The following SH3RF2 variants were observed in gnomAD, a reference collection of about 807,000 sequenced individuals.
SH3RF2 encodes E3 ubiquitin-protein ligase SH3RF2.
Under a neutral mutation model 59.0 loss-of-function variants are expected in SH3RF2, and 43 were observed. That is an observed-to-expected ratio of 0.73 (90% CI 0.57 to 0.94). The LOEUF is 0.94. Ranked by LOEUF, SH3RF2 falls within the 40% of genes least tolerant of loss-of-function variation. The pLI is 0.00. For missense variants in SH3RF2, 930 were observed against 940.1 expected, an observed-to-expected ratio of 0.99 and a Z score of 0.14; for synonymous variants, 391 against 391.5, an observed-to-expected ratio of 1.00 and a Z score of 0.01.
intron 9 of SH3RF2, 64 bp from the exon 10 acceptor site, chr5:146,062,362 C>G (rs1762928043): frequency 3.8e-6 from 6 of 1,560,656 alleles, no homozygotes; most frequent in Non-Finnish European, 5.2e-6. Flanking sequence ...CAAGTGGGGA[C>G]AAGCATGGGG....
intron 5 of SH3RF2, among the ~76,000 whole-genome samples, chr5:146,025,759 G>A (rs566972305): frequency 6.6e-6 from 1 of 152,302 alleles, no homozygotes; most frequent in East Asian, 1.9e-4. Context: ...TTCTACAGAG[G>A]AAGGTAGCTT....
chr5:145,948,371 G>A (rs1046053547), intron 2 of SH3RF2, among the ~76,000 whole-genome samples: 8 of 152,168 alleles, frequency 5.3e-5, no homozygotes, highest in Admixed American at 2.0e-4. Context: ...AATGCATTGC[G>A]GGGCACATAA....
chr5:146,024,071 T>A (rs1368850156), intron 5 of SH3RF2, among the ~76,000 whole-genome samples: 1 of 152,208 alleles, frequency 6.6e-6, no homozygotes, highest in Non-Finnish European at 1.5e-5. Context: ...TATGGAACAT[T>A]TGTAGACATA....
At chr5:145,977,526 T>A (rs1306417657) in intron 2 of SH3RF2, among the ~76,000 whole-genome samples, 1 of 152,210 alleles carries the variant, frequency 6.6e-6, no homozygotes, top group East Asian at 1.9e-4. Context: ...TGGGACCACA[T>A]TAGCCCCATG....
chr5:146,034,948 A>C (rs1036781543), intron 5 of SH3RF2, among the ~76,000 whole-genome samples: 1 of 152,204 alleles, frequency 6.6e-6, no homozygotes, highest in Non-Finnish European at 1.5e-5. Flanking sequence ...TCTACTAAAA[A>C]TACAAAAGTT....
intron 2 of SH3RF2, among the ~76,000 whole-genome samples, chr5:145,958,790 G>A (rs1018617864): frequency 6.6e-6 from 1 of 152,126 alleles, no homozygotes; most frequent in Non-Finnish European, 1.5e-5. Flanking sequence ...ATTGTAATCA[G>A]TTTGCTGGGC....
chr5:146,068,294 C>T (rs1763151495), intron 9 of SH3RF2, among the ~76,000 whole-genome samples: 1 of 152,234 alleles, frequency 6.6e-6, no homozygotes, highest in African/African-American at 2.4e-5. Context: ...CACATAGCTT[C>T]TGGACTCCCT....
Position 145,972,430 on chromosome 5 carries a change from G to A in SH3RF2, c.379-27628G>A, listed in dbSNP as rs768623631. ...TTGAAGAATGTGCTCCACCACTACCGTCACCACCAGAACTGCTAACACCAC... is the reference window on the plus strand; with the variant it reads ...TTGAAGAATGTGCTCCACCACTACCATCACCACCAGAACTGCTAACACCAC... On this transcript the variant is annotated intron_variant, in intron 2 of 9. Coordinates refer to ENST00000359120, the MANE Select transcript of SH3RF2 (RefSeq NM_152550.4). Among the ~76,000 whole-genome samples, 8 of 152,138 alleles carry A rather than the reference G, an allele frequency of 5.3e-5. No individual in the cohort carries two copies. In the East Asian group the frequency reaches 9.7e-4, roughly 18 times the overall value.
intron 2 of SH3RF2, among the ~76,000 whole-genome samples, chr5:145,994,655 GC>G (rs1203465796): frequency 6.6e-6 from 1 of 152,108 alleles, no homozygotes; most frequent in Non-Finnish European, 1.5e-5. Context: ...GGAAAGATTT[GC>G]CCCCATGATT....
At chr5:146,074,111 C>T (rs1272139732) in intron 9 of SH3RF2, among the ~76,000 whole-genome samples, 1 of 145,420 alleles carries the variant, frequency 6.9e-6, no homozygotes, top group African/African-American at 2.7e-5. Context: ...GCGATCTTGG[C>T]TCACTGCAAG....
chr5:146,034,548 A>C (rs1761859861), intron 5 of SH3RF2, among the ~76,000 whole-genome samples: 1 of 152,202 alleles, frequency 6.6e-6, no homozygotes, highest in South Asian at 2.1e-4. Flanking sequence ...GAGATCACTG[A>C]GCCTGTCTCA....
chr5:145,937,619 T>C (rs569689123), intron 1 of SH3RF2, among the ~76,000 whole-genome samples: 1 of 152,290 alleles, frequency 6.6e-6, no homozygotes, highest in Admixed American at 6.5e-5. Flanking sequence ...GTCAGTCTTG[T>C]GCTGAATGTT....
At chr5:146,051,008 G>A (rs1437259334) in intron 7 of SH3RF2, among the ~76,000 whole-genome samples, 4 of 152,206 alleles carry the variant, frequency 2.6e-5, no homozygotes, top group African/African-American at 9.7e-5. Flanking sequence ...GCTGAGGTGG[G>A]TGGATCACCT....
Position 146,062,649 on chromosome 5 carries a change from C to T in SH3RF2, c.2138C>T (p.Thr713Ile). Residue 713 changes from threonine to isoleucine, a missense_variant, in exon 10 of 10, where the codon ACA becomes ATA. Thr to Ile is a moderately conservative substitution (Grantham distance 89). Transcript: ENST00000359120. Reference sequence around the variant, plus strand: ...AGAAAGTCAGCTCTTGGCAAGGCCACAACCCTGGTGTCCACTGCCTCAGGC... The same window carrying T: ...AGAAAGTCAGCTCTTGGCAAGGCCATAACCCTGGTGTCCACTGCCTCAGGC... ...LRRKSALGKA[T>I]TLVSTASGTQ... 2.5e-6 allele frequency: 4 copies of T among 1,614,224 alleles called. No individual in the cohort carries two copies. Among genetic ancestry groups the T allele is most frequent in the Non-Finnish European group, 3.4e-6 (4 of 1,180,036 alleles).
chr5:145,953,280 T>C (rs1454628403), intron 2 of SH3RF2, among the ~76,000 whole-genome samples: 1 of 152,098 alleles, frequency 6.6e-6, no homozygotes, highest in African/African-American at 2.4e-5. Flanking sequence ...AAGGGAGGCA[T>C]TTATGCTGAT....
chr5:146,002,185 T>A (rs926062649), intron 3 of SH3RF2, among the ~76,000 whole-genome samples: 11 of 152,172 alleles, frequency 7.2e-5, no homozygotes, highest in South Asian at 4.1e-4. Context: ...GCACGGTGGC[T>A]CACGCCTGCA....
chr5:145,965,857 T>A (rs1448162468), intron 2 of SH3RF2, among the ~76,000 whole-genome samples: 1 of 152,186 alleles, frequency 6.6e-6, no homozygotes, highest in African/African-American at 2.4e-5. Context: ...GAAAAAATCC[T>A]GAAAGCTCTG....
At chr5:146,068,230 G>A (rs971987917), downstream of SH3RF2, among the ~76,000 whole-genome samples, 2 of 152,208 alleles carry the variant, frequency 1.3e-5, no homozygotes, top group African/African-American at 2.4e-5. Context: ...GTTTCCATGA[G>A]AGGAGCAAGC....
intron 5 of SH3RF2, among the ~76,000 whole-genome samples, chr5:146,033,533 C>T (rs183918163): frequency 5.5e-5 from 8 of 144,586 alleles, no homozygotes; most frequent in South Asian, 2.2e-4. Context: ...TGCAAAGGCC[C>T]GATCTCGGCT....
Sources: gnomAD v4.1 joint callset for allele counts (sites outside exome capture counted in the v4.1 genomes callset) on GRCh38, gnomAD v4.1.1 for gene constraint, MANE v1.5 for transcripts, NCBI Gene and HGNC (gene_info 2026-07-23, HGNC 2026-07-21) for gene names.